BTBD6: variants seen among roughly 807,000 people sequenced by gnomAD.
BTBD6 encodes the protein BTB domain containing 6.
A neutral mutation model predicts 40.6 loss-of-function variants in BTBD6; 30 were observed. The observed-to-expected ratio is 0.74, with a 90% CI of 0.55 to 1.00. BTBD6 has a LOEUF of 1.00. BTBD6 is among the 50% of genes least tolerant of loss of function. The pLI, the probability that BTBD6 is intolerant of heterozygous loss-of-function variation, is 0.00. For missense variants in BTBD6, 698 were observed against 694.6 expected (o/e 1.00, Z -0.06); for synonymous variants, 378 against 308.7 (o/e 1.22, Z -2.35).
Position 105,250,687 on chromosome 14 carries a change from C to T in BTBD6, c.*15C>T. ...TCTATGCCTGAGGTGCCCGGGGAGG[C>T]TGCAGCAGGTCAGCGAGTGAGTGGA... On this transcript the variant is annotated 3_prime_UTR_variant, in exon 4 of 4. Transcript: ENST00000392554. 1 of 1,595,412 alleles carries T rather than the reference C, an allele frequency of 6.3e-7. No homozygotes were observed. Among genetic ancestry groups the T allele is most frequent in the Non-Finnish European group, 8.6e-7 (1 of 1,168,182 alleles).
Position 105,250,940 on chromosome 14 carries a change from C to T in BTBD6, c.*268C>T, listed in dbSNP as rs2055572629. 4.2e-6 allele frequency: 2 copies of T among 472,476 alleles called. No individual in the cohort carries two copies. Among genetic ancestry groups the T allele is most frequent in the Non-Finnish European group, 7.8e-6 (2 of 255,972 alleles). 29.3% of individuals were successfully genotyped at this position (472,476 alleles called of 1,614,324 possible). A position where few individuals can be genotyped will look rare whatever the true frequency, so the allele number is the denominator to read the frequency against. ...CCCCAGATCCCCTCCCAGTGGCACC[C>T]ATGCCACCTGCTTTGAGGGGTTGGA... On this transcript the variant is annotated 3_prime_UTR_variant, in exon 4 of 4. Transcript: ENST00000392554.
intron 3 of BTBD6, 57 bp from the exon 4 acceptor site, chr14:105,249,583 C>G (rs781690820): frequency 3.1e-5 from 49 of 1,585,448 alleles, no homozygotes; most frequent in Non-Finnish European, 4.1e-5. Flanking sequence ...CTCCCAGGCC[C>G]AGCCCCGCGA....
Position 105,248,590 on chromosome 14 carries a change from A to ACGGCGCCCCCCGCGGCCGGGC in BTBD6, c.-120_-100dup. ...GGGCTCGGGCGGGCGGGCGGGCGGG[A>ACGGCGCCCCCCGCGGCCGGGC]CGGCGCCCCCCGCGGCCGGGCCTGG... On this transcript the variant is annotated 5_prime_UTR_variant, in exon 1 of 4. Coordinates refer to ENST00000392554, the MANE Select transcript of BTBD6 (RefSeq NM_001387567.1). 1.0e-5 allele frequency: 9 copies of ACGGCGCCCCCCGCGGCCGGGC among 887,284 alleles called. No individual in the cohort carries two copies. The highest frequency in any genetic ancestry group is 1.2e-5 in the Non-Finnish European group (9 of 758,666). 55.0% of individuals were successfully genotyped at this position (887,284 alleles called of 1,614,324 possible). A position where few individuals can be genotyped will look rare whatever the true frequency, so the allele number is the denominator to read the frequency against.
Position 105,249,621 on chromosome 14 carries a change from C to G in BTBD6, c.585-19C>G, listed in dbSNP as rs746780123. On this transcript the variant is annotated intron_variant, in intron 3 of 3. Transcript: ENST00000392554. ...GGTGCTTGGGAGCCAGCCCCTGACG[C>G]GGGCCCTGCCTCGCCTAGGTACATG... 32 of 1,595,116 alleles carry G rather than the reference C, an allele frequency of 2.0e-5. No individual in the cohort carries two copies. The South Asian group carries it at 3.6e-4, about 18-fold the overall frequency.
chr14:105,250,042 G>C lies in BTBD6; in HGVS notation c.987G>C (p.Leu329=), dbSNP rs1343589131. The C allele has an allele frequency of 3.1e-6, 5 of 1,612,794 alleles. No homozygotes were observed. The highest frequency in any genetic ancestry group is 4.2e-6 in the Non-Finnish European group (5 of 1,180,042). Residue 329 remains leucine, a synonymous_variant, in exon 4 of 4, where the codon CTG becomes CTC. Transcript: ENST00000392554. ...CCCCACGAAACAAGAGGCATGTTCT[G>C]GGGCGAGCCCTCTATCTGGTCCGAA... ...PITPRNKRHV[L]GRALYLVRIP... is the part of the protein sequence containing the mutation.
Position 105,249,102 on chromosome 14 carries a change from C to G in BTBD6, c.374+17C>G. 4 of 1,492,166 alleles carry G rather than the reference C, an allele frequency of 2.7e-6. No individual in the cohort carries two copies. The highest frequency in any genetic ancestry group is 3.5e-6 in the Non-Finnish European group (4 of 1,129,372). The allele number at this position is 1,492,166 out of a possible 1,614,324, so 92.4% of individuals were successfully genotyped here. On this transcript the variant is annotated intron_variant, in intron 1 of 3. Transcript: ENST00000392554. ...GCGCGAGAGGTGAGCCCGTGCCCCG[C>G]GGCCCCCGCGCCCGCGCGCGCCCAC...
chr14:105,250,148 T>C lies in BTBD6; in HGVS notation c.1093T>C (p.Phe365Leu). ...GACTCTGGAGGAGACCCACAGCATC[T>C]TCCTGTGGTACACGGCCACCAACAA... Reference protein sequence around the residue: ...ILTLEETHSIFLWYTATNKPR... With the variant: ...ILTLEETHSILLWYTATNKPR... The change falls in exon 4 of 4, where the codon TTC becomes CTC. Residue 365 changes from phenylalanine (F) to leucine (L), a missense_variant. Phe to Leu is a conservative substitution (Grantham distance 22, BLOSUM62 0). Coordinates refer to ENST00000392554, the MANE Select transcript of BTBD6 (RefSeq NM_001387567.1). 6.2e-7 allele frequency: 1 copy of C among 1,613,030 alleles called. No homozygotes were observed. Among genetic ancestry groups the C allele is most frequent in the Non-Finnish European group, 8.5e-7 (1 of 1,180,046 alleles).
Position 105,250,728 on chromosome 14 carries a change from C to G in BTBD6, c.*56C>G. 6.6e-7 allele frequency: 1 copy of G among 1,516,522 alleles called. No homozygotes were observed. The allele number at this position is 1,516,522 out of a possible 1,614,324, so 93.9% of individuals were successfully genotyped here. ...AGTGAGTGGAGGGGAAGTCAAGATG[C>G]TAACTGCTTCTTGACACCATGAAAG... On this transcript the variant is annotated 3_prime_UTR_variant, in exon 4 of 4. Transcript: ENST00000392554.
rs780773995 is a variant in BTBD6 at position 105,249,482 on chromosome 14, AG to A, written c.584+5del. On this transcript the variant is annotated splice_donor_5th_base_variant and intron_variant, in intron 3 of 3. Transcript: ENST00000392554. Reference sequence around the variant, plus strand: ...CAGCCTTTCTGATCCTCTTAAAGTAAGTCCACTCTACTGGGGAGGGACGGGT... The same window carrying A: ...CAGCCTTTCTGATCCTCTTAAAGTAATCCACTCTACTGGGGAGGGACGGGT... 3 of 1,546,394 alleles carry A rather than the reference AG, an allele frequency of 1.9e-6. No homozygotes were observed. Among genetic ancestry groups the A allele is most frequent in the Non-Finnish European group, 2.7e-6 (3 of 1,121,158 alleles).
chr14:105,250,127 C>T lies in BTBD6; in HGVS notation c.1072C>T (p.Leu358=), dbSNP rs752312583. 8 of 1,612,992 alleles carry T rather than the reference C, an allele frequency of 5.0e-6. No homozygotes were observed. The highest frequency in any genetic ancestry group is 5.9e-6 in the Non-Finnish European group (7 of 1,180,040). ...CGCTGCCCAGTCAGACATCCTGACT[C>T]TGGAGGAGACCCACAGCATCTTCCT... ...NGAAQSDILT[L]EETHSIFLWY... is the part of the protein sequence containing the mutation. Residue 358 remains leucine, a synonymous_variant, in exon 4 of 4, where the codon CTG becomes TTG. Transcript: ENST00000392554.
rs753791961 is a variant in BTBD6 at position 105,250,371 on chromosome 14, G to C, written c.1316G>C (p.Ser439Thr). The change falls in exon 4 of 4, where the codon AGC becomes ACC. Residue 439 changes from serine (S) to threonine (T), a missense_variant. Coordinates refer to ENST00000392554, the MANE Select transcript of BTBD6 (RefSeq NM_001387567.1). Reference protein sequence around the residue: ...YGSSSGKAEYSVKIELKRLGV... With the variant: ...YGSSSGKAEYTVKIELKRLGV... ...TCCAGCTCTGGGAAGGCTGAGTACA[G>C]CGTGAAGATTGAGCTCAAGCGGCTC... The C allele has an allele frequency of 6.2e-7, 1 of 1,613,804 alleles. No individual in the cohort carries two copies. Among genetic ancestry groups the C allele is most frequent in the Admixed American group, 1.7e-5 (1 of 60,030 alleles).
chr14:105,248,581 G>C lies in BTBD6; in HGVS notation c.-131G>C, dbSNP rs1224597327. 8.2e-6 allele frequency: 7 copies of C among 858,778 alleles called. 1 individual carries two copies. In the African/African-American group the frequency reaches 1.3e-4, roughly 16 times the overall value. The allele number at this position is 858,778 out of a possible 1,614,324, so 53.2% of individuals were successfully genotyped here. On this transcript the variant is annotated 5_prime_UTR_variant, in exon 1 of 4. Transcript: ENST00000392554. ...GGCGGGTACGGGCTCGGGCGGGCGG[G>C]CGGGCGGGACGGCGCCCCCCGCGGC...
Position 105,249,663 on chromosome 14 carries a change from A to G in BTBD6, c.608A>G (p.Asp203Gly). 6.2e-7 allele frequency: 1 copy of G among 1,612,830 alleles called. No homozygotes were observed. Among genetic ancestry groups the G allele is most frequent in the African/African-American group, 1.3e-5 (1 of 75,018 alleles). ...AGGTACATGTACAGTGATGAGATCG[A>G]TCTGGAAGCCGACACGGTGCTGGCC... is the stretch of plus-strand genomic sequence containing the variant. ...LLKYMYSDEI[D>G]LEADTVLATL... Residue 203 changes from aspartate (D) to glycine (G), a missense_variant, in exon 4 of 4, where the codon GAT becomes GGT. By Grantham distance (94) the Asp-to-Gly change is moderately conservative. Coordinates refer to ENST00000392554, the MANE Select transcript of BTBD6 (RefSeq NM_001387567.1).
Position 105,250,698 on chromosome 14 carries a change from CAGCG to C in BTBD6, c.*29_*32del. The C allele has an allele frequency of 3.2e-6, 5 of 1,587,292 alleles. No homozygotes were observed. Among genetic ancestry groups the C allele is most frequent in the Non-Finnish European group, 4.3e-6 (5 of 1,163,714 alleles). ...GGTGCCCGGGGAGGCTGCAGCAGGTCAGCGAGTGAGTGGAGGGGAAGTCAAGATG... is the reference window on the plus strand; with the variant it reads ...GGTGCCCGGGGAGGCTGCAGCAGGTCAGTGAGTGGAGGGGAAGTCAAGATG... On this transcript the variant is annotated 3_prime_UTR_variant, in exon 4 of 4. Transcript: ENST00000392554.
chr14:105,249,273 A>ACGCGTGC, intron 2 of BTBD6, 26 bp downstream of exon 2: 6 of 1,563,688 alleles, frequency 3.8e-6, no homozygotes, highest in Non-Finnish European at 5.2e-6. Flanking sequence ...CCCTCTCGGA[A>ACGCGTGC]CGCGTGCCCC....
rs1371477394 is a variant in BTBD6, at chr14:105,248,647, T to C, written c.-65T>C. On this transcript the variant is annotated 5_prime_UTR_variant, in exon 1 of 4. Coordinates refer to ENST00000392554, the MANE Select transcript of BTBD6 (RefSeq NM_001387567.1). ...TGCGCTAGGCTGGGCTCGGGCAGGG[T>C]CGCAGGGGCGGGGGTGGCAGGGGAG... The C allele has an allele frequency of 1.0e-6, 1 of 978,228 alleles. No homozygotes were observed. Among genetic ancestry groups the C allele is most frequent in the African/African-American group, 1.8e-5 (1 of 55,732 alleles). The allele number at this position is 978,228 out of a possible 1,614,324, so 60.6% of individuals were successfully genotyped here.
rs2055314398 is a variant in BTBD6, at chr14:105,248,579, GGGCGGGCGGGAC to G, written c.-128_-117del. 1 of 918,070 alleles carries G rather than the reference GGGCGGGCGGGAC, an allele frequency of 1.1e-6. No individual in the cohort carries two copies. The highest frequency in any genetic ancestry group is 1.8e-5 in the African/African-American group (1 of 54,202). The allele number at this position is 918,070 out of a possible 1,614,324, so 56.9% of individuals were successfully genotyped here. A position where few individuals can be genotyped will look rare whatever the true frequency, so the allele number is the denominator to read the frequency against. ...GCGGCGGGTACGGGCTCGGGCGGGC[GGGCGGGCGGGAC>G]GGCGCCCCCCGCGGCCGGGCCTGGC... On this transcript the variant is annotated 5_prime_UTR_variant, in exon 1 of 4. Coordinates refer to ENST00000392554, the MANE Select transcript of BTBD6 (RefSeq NM_001387567.1).
At position 105,248,870 on chromosome 14, in the gene BTBD6, G is replaced by A. The variant is rs1440559248; in HGVS notation, c.159G>A (p.Lys53=). ...CTGCCCCCGCCGCCCCGCCCGCGAA[G>A]ATGGCGGCGGAACTCTACGCTCCCG... ...AEAAPAAPPA[K]MAAELYAPAS... Residue 53 remains lysine (K), a synonymous_variant, in exon 1 of 4, where the codon AAG becomes AAA. Coordinates refer to ENST00000392554, the MANE Select transcript of BTBD6 (RefSeq NM_001387567.1). The A allele has an allele frequency of 2.0e-6, 2 of 989,596 alleles. No homozygotes were observed. Among genetic ancestry groups the A allele is most frequent in the Admixed American group, 6.2e-5 (1 of 16,096 alleles). The allele number at this position is 989,596 out of a possible 1,614,324, so 61.3% of individuals were successfully genotyped here. A position where few individuals can be genotyped will look rare whatever the true frequency, so the allele number is the denominator to read the frequency against.
chr14:105,250,808 T>C lies in BTBD6; in HGVS notation c.*136T>C. 1.0e-6 allele frequency: 1 copy of C among 954,354 alleles called. No individual in the cohort carries two copies. Among genetic ancestry groups the C allele is most frequent in the South Asian group, 1.7e-5 (1 of 57,658 alleles). 59.1% of individuals were successfully genotyped at this position (954,354 alleles called of 1,614,324 possible). A position where few individuals can be genotyped will look rare whatever the true frequency, so the allele number is the denominator to read the frequency against. On this transcript the variant is annotated 3_prime_UTR_variant, in exon 4 of 4. Transcript: ENST00000392554. ...TGTAGTCAGCTGAAGCTTGACTGTG[T>C]AGAGACATTTTCCACACAGCCAGAA...
Sources: gnomAD v4.1 joint callset for allele counts on GRCh38, gnomAD v4.1.1 for gene constraint, MANE v1.5 for transcripts, NCBI Gene and HGNC (gene_info 2026-07-23, HGNC 2026-07-21) for gene names.